The following MCUB variants were observed in gnomAD, a reference collection of about 807,000 sequenced individuals.
MCUB encodes the protein mitochondrial calcium uniporter dominant negative subunit beta.
Under a neutral mutation model 41.4 loss-of-function variants are expected in MCUB, and 46 were observed. The ratio of observed to expected loss-of-function variants is 1.11; its 90% CI spans 0.88 to 1.42. The LOEUF is 1.42. MCUB is among the 40% of genes most tolerant of loss of function. The pLI, the probability that MCUB is intolerant of heterozygous loss-of-function variation, is 0.00. For synonymous variants in MCUB, 148 were observed against 148.2 expected, an observed-to-expected ratio of 1.00 and a Z score of 0.01; for missense variants, 403 against 404.9, an observed-to-expected ratio of 1.00 and a Z score of 0.04.
In MCUB at chr4:109,612,902, C is replaced by T. The variant is rs185161434; in HGVS notation, c.100-46109C>T. Among the ~76,000 whole-genome samples, 1,255 of 152,180 alleles carry T rather than the reference C, an allele frequency of 8.2e-3. 5 individuals carry two copies. The highest frequency in any genetic ancestry group is 0.011 in the Admixed American group (175 of 15,292). On this transcript the variant is annotated intron_variant, in intron 1 of 7. Transcript: ENST00000394650. ...CGGGCGGATCACAAGGTCAGGAGAT[C>T]AAGACCATCCTGGCTAACACGGTGA... is the stretch of plus-strand genomic sequence containing the variant.
intron 1 of MCUB, among the ~76,000 whole-genome samples, chr4:109,595,872 C>T (rs1162603641): frequency 1.3e-5 from 2 of 151,704 alleles, no homozygotes; most frequent in Admixed American, 1.3e-4. Context: ...TGTTTGTCAC[C>T]TGGCCCTTGG....
At chr4:109,658,912 C>G (rs764375103) in intron 1 of MCUB, 99 bp from the exon 2 acceptor site, 11 of 766,364 alleles carry the variant, frequency 1.4e-5, no homozygotes, top group Non-Finnish European at 2.4e-5. Context: ...TTATGCTTTT[C>G]ATATAGTATT....
intron 1 of MCUB, among the ~76,000 whole-genome samples, chr4:109,655,712 GA>G (rs1285594466): frequency 6.6e-6 from 1 of 152,110 alleles, no homozygotes; most frequent in Non-Finnish European, 1.5e-5. Context: ...ATTCTACGCA[GA>G]AATCTAGCAT....
At chr4:109,575,833 A>C (rs1024068268) in intron 1 of MCUB, among the ~76,000 whole-genome samples, 2 of 152,216 alleles carry the variant, frequency 1.3e-5, no homozygotes, top group East Asian at 3.8e-4. Flanking sequence ...TAGCATAGTA[A>C]TATTCTTGGT....
At chr4:109,621,700 T>C (rs185058128) in intron 1 of MCUB, among the ~76,000 whole-genome samples, 59 of 152,330 alleles carry the variant, frequency 3.9e-4, no homozygotes, top group Admixed American at 7.2e-4. Flanking sequence ...CAGAGTATAT[T>C]AAATAGAGCA....
intron 1 of MCUB, among the ~76,000 whole-genome samples, chr4:109,569,954 A>C (rs1343613419): frequency 6.6e-6 from 1 of 152,142 alleles, no homozygotes; most frequent in Non-Finnish European, 1.5e-5. Context: ...GAGAATGGTA[A>C]TCCATGGTTA....
At chr4:109,647,210 A>T (rs904009000) in intron 1 of MCUB, among the ~76,000 whole-genome samples, 5 of 152,170 alleles carry the variant, frequency 3.3e-5, no homozygotes, top group African/African-American at 1.2e-4. Flanking sequence ...CAAAGTCCAT[A>T]GTTTACATTA....
intron 5 of MCUB, 108 bp downstream of exon 5, chr4:109,682,850 T>A (rs1729751173): frequency 1.2e-6 from 1 of 809,850 alleles, no homozygotes. Context: ...AATTTTCTCC[T>A]TTACGCCTCA....
At chr4:109,650,202 A>C (rs1338921782) in intron 1 of MCUB, among the ~76,000 whole-genome samples, 1 of 152,204 alleles carries the variant, frequency 6.6e-6, no homozygotes, top group Non-Finnish European at 1.5e-5. Flanking sequence ...GAATTTTAAT[A>C]ATAACCCTCT....
Position 109,652,226 on chromosome 4 carries a change from G to A in MCUB, c.100-6785G>A, listed in dbSNP as rs187931901. On this transcript the variant is annotated intron_variant, in intron 1 of 7. Coordinates refer to ENST00000394650, the MANE Select transcript of MCUB (RefSeq NM_017918.5). ...CTTTAAAGTACAGTCACATTCTGAG[G>A]TACTAGGGGTTAAGACTTCAATATA... Among the ~76,000 whole-genome samples, 393 of 152,214 alleles carry A rather than the reference G, an allele frequency of 2.6e-3. 2 individuals carry two copies. In the Middle Eastern group the frequency reaches 0.037, roughly 14 times the overall value.
chr4:109,566,871 G>A (rs1316487940), intron 1 of MCUB, among the ~76,000 whole-genome samples: 1 of 152,146 alleles, frequency 6.6e-6, no homozygotes, highest in Non-Finnish European at 1.5e-5. Context: ...AACGCATTTA[G>A]TTTATATAGC....
intron 1 of MCUB, among the ~76,000 whole-genome samples, chr4:109,644,026 T>A (rs565123866): frequency 2.6e-5 from 4 of 151,606 alleles, no homozygotes; most frequent in Admixed American, 2.6e-4. Flanking sequence ...GCTGCCCGAT[T>A]AAAAAAAAAT....
intron 1 of MCUB, among the ~76,000 whole-genome samples, chr4:109,629,229 T>G (rs1168404751): frequency 1.3e-5 from 2 of 152,158 alleles, no homozygotes; most frequent in Non-Finnish European, 2.9e-5. Flanking sequence ...CTCTGCCTTC[T>G]GGGTTCAAGC....
At chr4:109,603,862 G>A (rs979880507) in intron 1 of MCUB, among the ~76,000 whole-genome samples, 1 of 152,174 alleles carries the variant, frequency 6.6e-6, no homozygotes, top group Non-Finnish European at 1.5e-5. Flanking sequence ...CTCTCTGCCC[G>A]GCCGCCACCC....
Position 109,560,444 on chromosome 4 carries a change from C to A in MCUB, c.99+8C>A, listed in dbSNP as rs1167435818. ...CTGCCGCCTCCGCCCCAGGTAAGAG[C>A]GGGTGCCGGGCTGTGGGGGTTCGGG... On this transcript the variant is annotated splice_region_variant and intron_variant, in intron 1 of 7. Transcript: ENST00000394650. The A allele has an allele frequency of 8.0e-7, 1 of 1,249,834 alleles. No homozygotes were observed. The highest frequency in any genetic ancestry group is 1.0e-6 in the Non-Finnish European group (1 of 986,582). The allele number at this position is 1,249,834 out of a possible 1,614,324, so 77.4% of individuals were successfully genotyped here. A position where few individuals can be genotyped will look rare whatever the true frequency, so the allele number is the denominator to read the frequency against.
At chr4:109,597,879 G>A (rs1411533022) in intron 1 of MCUB, among the ~76,000 whole-genome samples, 4 of 151,416 alleles carry the variant, frequency 2.6e-5, no homozygotes, top group Middle Eastern at 3.2e-3. Context: ...CTTCTCAGAC[G>A]GGGTGGCTGG....
At chr4:109,655,399 C>T (rs1166981255) in intron 1 of MCUB, among the ~76,000 whole-genome samples, 3 of 152,182 alleles carry the variant, frequency 2.0e-5, no homozygotes, top group East Asian at 3.9e-4. Flanking sequence ...AGTCTCCAGC[C>T]TCTGTCCCCT....
chr4:109,583,509 C>T (rs1264514957), intron 1 of MCUB, among the ~76,000 whole-genome samples: 1 of 152,200 alleles, frequency 6.6e-6, no homozygotes, highest in African/African-American at 2.4e-5. Flanking sequence ...CATCTGCAGA[C>T]AGGAACAATT....
At chr4:109,588,325 G>A (rs939752502) in intron 1 of MCUB, among the ~76,000 whole-genome samples, 12 of 152,206 alleles carry the variant, frequency 7.9e-5, no homozygotes, top group African/African-American at 2.9e-4. Context: ...ATTTTGCGGT[G>A]GTGATGCAAA....
Sources: allele counts gnomAD v4.1 joint callset (sites outside exome capture counted in the v4.1 genomes callset), GRCh38; gene constraint gnomAD v4.1.1; transcripts MANE v1.5; gene names NCBI Gene and HGNC (gene_info 2026-07-23, HGNC 2026-07-21).